OCIAD1: variants seen among roughly 807,000 people sequenced by gnomAD.
OCIAD1 encodes OCIA domain-containing protein 1.
A neutral mutation model predicts 38.9 loss-of-function variants in OCIAD1; 29 were observed. That is an observed-to-expected ratio of 0.74 (90% CI 0.55 to 1.02). The LOEUF is 1.02. OCIAD1 is among the 50% of genes least tolerant of loss of function. The pLI is 0.00. For synonymous variants in OCIAD1, 110 were observed against 92.0 expected (o/e 1.20, Z -1.12); for missense variants, 288 against 289.6 (o/e 0.99, Z 0.04).
At chr4:48,807,550 A>AGTATG (rs1777041799) in intron 1 of OCIAD1, among the ~76,000 whole-genome samples, 1 of 152,176 alleles carries the variant, frequency 6.6e-6, no homozygotes, top group South Asian at 2.1e-4. Flanking sequence ...GACTCATACT[A>AGTATG]AGTGTGTAAT....
intron 7 of OCIAD1, among the ~76,000 whole-genome samples, chr4:48,853,285 T>G (rs1779709055): frequency 6.6e-6 from 1 of 152,230 alleles, no homozygotes; most frequent in African/African-American, 2.4e-5. Flanking sequence ...TAGACTTTAT[T>G]TACTTTGCCA....
chr4:48,842,424 A>C (rs1447273479), intron 3 of OCIAD1, among the ~76,000 whole-genome samples: 2 of 152,220 alleles, frequency 1.3e-5, no homozygotes, highest in South Asian at 4.1e-4. Flanking sequence ...ATATTGTTTA[A>C]TATTTTGTGA....
At chr4:48,838,640 T>A (rs558515050) in intron 3 of OCIAD1, among the ~76,000 whole-genome samples, 8 of 152,356 alleles carry the variant, frequency 5.3e-5, no homozygotes, top group Admixed American at 2.0e-4. Flanking sequence ...ATGTGACATT[T>A]ATGTAAACAA....
intron 8 of OCIAD1, among the ~76,000 whole-genome samples, chr4:48,857,778 G>C (rs115033487): frequency 0.036 from 5,528 of 152,260 alleles, 149 homozygotes; most frequent in Non-Finnish European, 0.059. Flanking sequence ...CTCTGAGAGT[G>C]CTAGGATTAC....
At chr4:48,839,965 A>G (rs1443581512) in intron 3 of OCIAD1, among the ~76,000 whole-genome samples, 1 of 152,196 alleles carries the variant, frequency 6.6e-6, no homozygotes, top group Non-Finnish European at 1.5e-5. Flanking sequence ...TGTTGCTTTG[A>G]GCAAATGACT....
At chr4:48,831,477 T>C (rs1191205174) in intron 1 of OCIAD1, 1 of 1,290,046 alleles carries the variant, frequency 7.8e-7, no homozygotes, top group Non-Finnish European at 1.0e-6. Context: ...GTGGGGTTGC[T>C]GCTCAGTCTG....
At chr4:48,811,531 T>C (rs1233254688) in intron 1 of OCIAD1, among the ~76,000 whole-genome samples, 1 of 152,224 alleles carries the variant, frequency 6.6e-6, no homozygotes, top group African/African-American at 2.4e-5. Context: ...CTCTATGTAA[T>C]TGCTCTCAGA....
upstream of OCIAD1, among the ~76,000 whole-genome samples, chr4:48,826,128 G>A (rs528677958): frequency 1.3e-5 from 2 of 152,062 alleles, no homozygotes; most frequent in South Asian, 2.1e-4. Flanking sequence ...ATGAGCTACT[G>A]TGCTTGGCCT....
upstream of OCIAD1, among the ~76,000 whole-genome samples, chr4:48,830,351 T>G (rs1777376947): frequency 6.6e-6 from 1 of 152,142 alleles, no homozygotes; most frequent in African/African-American, 2.4e-5. Context: ...CTTTGAGGGG[T>G]TGACAAATAG....
chr4:48,806,634 T>C (rs1777027202), intron 1 of OCIAD1, among the ~76,000 whole-genome samples: 1 of 151,944 alleles, frequency 6.6e-6, no homozygotes, highest in Admixed American at 6.6e-5. Flanking sequence ...TGACATGGAG[T>C]CTTGCTCTGT....
intron 7 of OCIAD1, chr4:48,852,295 G>C (rs941417609): frequency 4.9e-6 from 1 of 205,560 alleles, no homozygotes; most frequent in Non-Finnish European, 9.6e-6. Context: ...ACTAAGGCAA[G>C]CTTAGTGGAA....
chr4:48,859,308 T>C (rs1204817120), intron 8 of OCIAD1, among the ~76,000 whole-genome samples: 1 of 152,200 alleles, frequency 6.6e-6, no homozygotes, highest in Non-Finnish European at 1.5e-5. Flanking sequence ...AAACTGCATC[T>C]AGTGGCCATT....
chr4:48,810,100 G>A (rs1039263938), intron 1 of OCIAD1, among the ~76,000 whole-genome samples: 2 of 152,018 alleles, frequency 1.3e-5, no homozygotes, highest in African/African-American at 2.4e-5. Context: ...ACAGTGCCTG[G>A]TGCTTGCGAA....
At chr4:48,852,882 G>GTTTTTTTTTTTTGTTTTTTTTTTTTT (rs1553901201) in intron 7 of OCIAD1, among the ~76,000 whole-genome samples, 4 of 126,334 alleles carry the variant, frequency 3.2e-5, no homozygotes, top group African/African-American at 1.3e-4. Context: ...TTTGTTTTTT[G>GTTTTTTTTTTTTGTTTTTTTTTTTTT]TTTTTTTTTT....
At chr4:48,850,740 A>AT (rs552386951) in intron 6 of OCIAD1, among the ~76,000 whole-genome samples, 8 of 152,008 alleles carry the variant, frequency 5.3e-5, no homozygotes, top group Non-Finnish European at 1.2e-4. Context: ...CGCCTAGCTA[A>AT]TTTTTTGTAT....
chr4:48,858,715 AG>A (rs1039793183), intron 8 of OCIAD1, among the ~76,000 whole-genome samples: 14 of 152,200 alleles, frequency 9.2e-5, no homozygotes, highest in Non-Finnish European at 1.3e-4. Context: ...TTGGCCTCCC[AG>A]AATGCTGGGA....
chr4:48,828,785 A>C (rs1250093019), upstream of OCIAD1, among the ~76,000 whole-genome samples: 1 of 152,184 alleles, frequency 6.6e-6, no homozygotes, highest in Non-Finnish European at 1.5e-5. Flanking sequence ...AAGTCTGGAC[A>C]CACCATCTTT....
chr4:48,829,176 C>G (rs1673425355), upstream of OCIAD1, among the ~76,000 whole-genome samples: 2 of 151,850 alleles, frequency 1.3e-5, no homozygotes, highest in Admixed American at 1.3e-4. Flanking sequence ...ACAAGAATTG[C>G]TTGAATCTGG....
intron 6 of OCIAD1, among the ~76,000 whole-genome samples, chr4:48,850,997 T>C (rs1169646391): frequency 1.3e-5 from 2 of 152,230 alleles, no homozygotes; most frequent in Non-Finnish European, 2.9e-5. Flanking sequence ...TCTTTTGAAT[T>C]CCCAAATCTT....
Sources: gnomAD v4.1 joint callset for allele counts (sites outside exome capture counted in the v4.1 genomes callset) on GRCh38, gnomAD v4.1.1 for gene constraint, MANE v1.5 for transcripts, NCBI Gene and HGNC (gene_info 2026-07-23, HGNC 2026-07-21) for gene names.